Variants in GPR132 observed in about 807,000 individuals in gnomAD.
The protein encoded by GPR132 is G protein-coupled receptor 132.
Under a neutral mutation model 1.9 loss-of-function variants are expected in GPR132, and 4 were observed. That is an observed-to-expected ratio of 2.13 (90% CI 1.05 to 4.87). GPR132 has a LOEUF of 4.87. GPR132 is among the 30% of genes most tolerant of loss of function. The pLI is 0.01. For missense variants in GPR132, 404 were observed against 512.5 expected (o/e 0.79, Z 2.04); for synonymous variants, 233 against 234.2 (o/e 0.99, Z 0.05).
At position 105,051,714 on chromosome 14, in the gene GPR132, G is replaced by A. The variant is rs537968166; in HGVS notation, c.423C>T (p.Phe141=). 68 of 1,614,102 alleles carry A rather than the reference G, an allele frequency of 4.2e-5. 1 individual carries two copies. The South Asian group carries it at 5.7e-4, about 14-fold the overall frequency. The change falls in exon 4 of 4, where the codon TTC becomes TTT. Residue 141 remains phenylalanine (F), a synonymous_variant. Coordinates refer to ENST00000329797, the MANE Select transcript of GPR132 (RefSeq NM_013345.4). This position sits in a 1 kb window ranked among gnomAD's most constrained non-coding sequence, Gnocchi z 8.0. ...TCTCCAGCGCGTACACCACGGCCAC[G>A]AAGCGGTCGCAGGAGATGCAGCACA... ...LFLCCISCDR[F]VAVVYALESR...
intron 3 of GPR132, among the ~76,000 whole-genome samples, chr14:105,054,690 C>A (rs1358771408): frequency 6.6e-6 from 1 of 150,852 alleles, no homozygotes; most frequent in Admixed American, 6.6e-5. Context: ...CTTGGCCTCC[C>A]AAAGTGCTGG....
chr14:105,054,330 C>G, intron 3 of GPR132: 1 of 985,374 alleles, frequency 1.0e-6, no homozygotes, highest in Non-Finnish European at 1.2e-6. Context: ...CTTGACCTCC[C>G]TCCTGTACTT....
Position 105,056,255 on chromosome 14 carries a change from C to T in GPR132, c.-746-89G>A, listed in dbSNP as rs1595137749. 10 of 775,120 alleles carry T rather than the reference C, an allele frequency of 1.3e-5. No homozygotes were observed. The highest frequency in any genetic ancestry group is 1.6e-5 in the Non-Finnish European group (10 of 637,848). 48.0% of individuals were successfully genotyped at this position (775,120 alleles called of 1,614,324 possible). A position where few individuals can be genotyped will look rare whatever the true frequency, so the allele number is the denominator to read the frequency against. Reference sequence around the variant, plus strand: ...CAAGACACAGGCCTGTGGCGGGCGGCGGGGGGCAGTGAAGGCAGTTCTCGG... The same window carrying T: ...CAAGACACAGGCCTGTGGCGGGCGGTGGGGGGCAGTGAAGGCAGTTCTCGG... On this transcript the variant is annotated intron_variant, in intron 2 of 3. Transcript: ENST00000329797. The surrounding 1 kb of genome is among the most constrained non-coding windows in gnomAD (Gnocchi z 6.0).
chr14:105,064,369 T>C (rs969741338), intron 1 of GPR132, among the ~76,000 whole-genome samples: 8 of 150,624 alleles, frequency 5.3e-5, no homozygotes, highest in African/African-American at 2.0e-4. Context: ...AATTTGATAG[T>C]GTTGCCCAGG....
At position 105,055,357 on chromosome 14, in the gene GPR132, G is replaced by C. The variant is rs775224303; in HGVS notation, c.34+30C>G. ...AAAAAAATTGAAAAAGTGGAAAATT[G>C]TGGCAAAATACACATAACAAGGAAT... On this transcript the variant is annotated intron_variant, in intron 3 of 3. Transcript: ENST00000329797. This position sits in a 1 kb window ranked among gnomAD's most constrained non-coding sequence, Gnocchi z 4.7. 4 of 780,822 alleles carry C rather than the reference G, an allele frequency of 5.1e-6. No homozygotes were observed. Among genetic ancestry groups the C allele is most frequent in the Admixed American group, 1.7e-5 (1 of 59,018 alleles). The allele number at this position is 780,822 out of a possible 1,614,324, so 48.4% of individuals were successfully genotyped here. A position where few individuals can be genotyped will look rare whatever the true frequency, so the allele number is the denominator to read the frequency against.
rs1886817372 is a variant in GPR132, at chr14:105,057,200, G to A, written c.-780C>T. 2.0e-6 allele frequency: 3 copies of A among 1,518,710 alleles called. No homozygotes were observed. In the South Asian group the frequency reaches 3.6e-5, roughly 18 times the overall value. 94.1% of individuals were successfully genotyped at this position (1,518,710 alleles called of 1,614,324 possible). ...TTTTGCGGGTTCCAATCTCAGTGTG[G>A]CTCTAAGATAAGCTTTCTAAGTACA... On this transcript the variant is annotated 5_prime_UTR_variant, in exon 2 of 4. Transcript: ENST00000329797.
At position 105,061,699 on chromosome 14, in the gene GPR132, G is replaced by A. The variant is rs1034503187; in HGVS notation, c.-861+3680C>T. Among the ~76,000 whole-genome samples, 4 of 152,166 alleles carry A rather than the reference G, an allele frequency of 2.6e-5. No homozygotes were observed. In the East Asian group the frequency reaches 7.7e-4, roughly 29 times the overall value. On this transcript the variant is annotated intron_variant, in intron 1 of 3. Coordinates refer to ENST00000329797, the MANE Select transcript of GPR132 (RefSeq NM_013345.4). ...AAGTGGAAGGACAAGGCCAGGCAGAGGCTTCCTGTGTTGTTCCACTCAGGA... is the reference window on the plus strand; with the variant it reads ...AAGTGGAAGGACAAGGCCAGGCAGAAGCTTCCTGTGTTGTTCCACTCAGGA...
chr14:105,053,439 C>T (rs1479439786), intron 3 of GPR132, among the ~76,000 whole-genome samples: 5 of 152,094 alleles, frequency 3.3e-5, no homozygotes, highest in Non-Finnish European at 5.9e-5. Flanking sequence ...GGATTACAGG[C>T]GTGAGCCACT....
At position 105,050,650 on chromosome 14, in the gene GPR132, C is replaced by A; in HGVS notation, c.*344G>T. 2.8e-6 allele frequency: 1 copy of A among 359,714 alleles called. No homozygotes were observed. The highest frequency in any genetic ancestry group is 2.0e-5 in the African/African-American group (1 of 48,938). The allele number at this position is 359,714 out of a possible 1,614,324, so 22.3% of individuals were successfully genotyped here. The stretch of plus-strand genomic sequence containing the variant: ...GCAAATAAAGTCATCGCCACTGATG[C>A]GAACAGGGCAGCCACCAGGTACCTC... On this transcript the variant is annotated 3_prime_UTR_variant, in exon 4 of 4. Coordinates refer to ENST00000329797, the MANE Select transcript of GPR132 (RefSeq NM_013345.4). This position sits in a 1 kb window ranked among gnomAD's most constrained non-coding sequence, Gnocchi z 4.0.
rs1886756924 is a variant in GPR132, at chr14:105,055,189, G to A, written c.34+198C>T. Among the ~76,000 whole-genome samples the A allele has an allele frequency of 6.6e-6, 1 of 151,820 alleles. No individual in the cohort carries two copies. The highest frequency in any genetic ancestry group is 1.5e-5 in the Non-Finnish European group (1 of 67,990). On this transcript the variant is annotated intron_variant, in intron 3 of 3. Transcript: ENST00000329797. This position sits in a 1 kb window ranked among gnomAD's most constrained non-coding sequence, Gnocchi z 4.7. ...TATTAAAAATACAAATATTAGCCAG[G>A]CGTGGTGGGCACCTGTAATCCCAGC...
rs61737872 is a variant in GPR132, at chr14:105,051,630, G to A, written c.507C>T (p.Leu169=). ...ACACCGGGTAGTGAACGATCCCGAC[G>A]AGGATGAAGATGCAGGCGGAGATGA... is the stretch of plus-strand genomic sequence containing the variant. ...AILISACIFI[L]VGIVHYPVFQ... is the part of the protein sequence containing the mutation. Residue 169 remains leucine (L), a synonymous_variant, in exon 4 of 4, where the codon CTC becomes CTT. Coordinates refer to ENST00000329797, the MANE Select transcript of GPR132 (RefSeq NM_013345.4). This position sits in a 1 kb window ranked among gnomAD's most constrained non-coding sequence, Gnocchi z 8.0. 49 of 1,613,910 alleles carry A rather than the reference G, an allele frequency of 3.0e-5. No homozygotes were observed. The highest frequency in any genetic ancestry group is 4.5e-5 in the East Asian group (2 of 44,900).
At chr14:105,054,941 G>A (rs1326702906) in intron 3 of GPR132, among the ~76,000 whole-genome samples, 1 of 149,888 alleles carries the variant, frequency 6.7e-6, no homozygotes, top group Non-Finnish European at 1.5e-5. Flanking sequence ...TTGGGAGGCT[G>A]AGGCAGGAGA....
In GPR132 at chr14:105,056,170, G is replaced by T; in HGVS notation, c.-746-4C>A. On this transcript the variant is annotated splice_region_variant and splice_polypyrimidine_tract_variant and intron_variant, in intron 2 of 3. Coordinates refer to ENST00000329797, the MANE Select transcript of GPR132 (RefSeq NM_013345.4). This position sits in a 1 kb window ranked among gnomAD's most constrained non-coding sequence, Gnocchi z 6.0. ...TGTCCCTTGCTCACCTTCCTCCCTGGGCAGAGGGAGAGAGTGGGTGTGACT... is the reference window on the plus strand; with the variant it reads ...TGTCCCTTGCTCACCTTCCTCCCTGTGCAGAGGGAGAGAGTGGGTGTGACT... 1 of 985,990 alleles carries T rather than the reference G, an allele frequency of 1.0e-6. No homozygotes were observed. The highest frequency in any genetic ancestry group is 1.2e-6 in the Non-Finnish European group (1 of 830,132). The allele number at this position is 985,990 out of a possible 1,614,324, so 61.1% of individuals were successfully genotyped here. A position where few individuals can be genotyped will look rare whatever the true frequency, so the allele number is the denominator to read the frequency against.
chr14:105,052,251 C>T (rs1886670532), intron 3 of GPR132, 149 bp from the exon 4 acceptor site: 1 of 591,964 alleles, frequency 1.7e-6, no homozygotes, highest in African/African-American at 1.8e-5. Context: ...TTTTTTAGAG[C>T]AATTATTAGA....
At chr14:105,054,269 T>G in intron 3 of GPR132, 1 of 1,133,064 alleles carries the variant, frequency 8.8e-7, no homozygotes, top group South Asian at 1.8e-5. Flanking sequence ...CCCTGGGCAC[T>G]GTCCAGCCCG....
intron 1 of GPR132, among the ~76,000 whole-genome samples, chr14:105,064,780 T>C (rs1448661523): frequency 6.6e-6 from 1 of 152,162 alleles, no homozygotes; most frequent in Non-Finnish European, 1.5e-5. Context: ...CGTCATGCAC[T>C]TGACAGAAGG....
At chr14:105,054,118 C>T (rs981248705) in intron 3 of GPR132, 1 of 1,287,704 alleles carries the variant, frequency 7.8e-7, no homozygotes, top group African/African-American at 1.5e-5. Context: ...ATCATGGAGT[C>T]CCACCTCCAG....
rs189286620 is a variant in GPR132, at chr14:105,064,876, G to A, written c.-861+503C>T. ...CTGCCCAGCTCCAGGATCTTGTCAC[G>A]TGACTGGGCCAACTGCCACTCACCG... is the stretch of plus-strand genomic sequence containing the variant. On this transcript the variant is annotated intron_variant, in intron 1 of 3. Transcript: ENST00000329797. Among the ~76,000 whole-genome samples the A allele has an allele frequency of 2.0e-5, 3 of 152,104 alleles. No individual in the cohort carries two copies. The East Asian group carries it at 5.8e-4, about 29-fold the overall frequency.
chr14:105,056,264 G>T lies in GPR132; in HGVS notation c.-746-98C>A. The stretch of plus-strand genomic sequence containing the variant: ...GGCCTGTGGCGGGCGGCGGGGGGCA[G>T]TGAAGGCAGTTCTCGGGTGGGAGGC... On this transcript the variant is annotated intron_variant, in intron 2 of 3. Coordinates refer to ENST00000329797, the MANE Select transcript of GPR132 (RefSeq NM_013345.4). This position sits in a 1 kb window ranked among gnomAD's most constrained non-coding sequence, Gnocchi z 6.0. The T allele has an allele frequency of 1.6e-6, 1 of 623,594 alleles. No homozygotes were observed. The highest frequency in any genetic ancestry group is 2.0e-6 in the Non-Finnish European group (1 of 499,094). The allele number at this position is 623,594 out of a possible 1,614,324, so 38.6% of individuals were successfully genotyped here. A position where few individuals can be genotyped will look rare whatever the true frequency, so the allele number is the denominator to read the frequency against.
Sources: gnomAD v4.1 joint callset for allele counts (sites outside exome capture counted in the v4.1 genomes callset) on GRCh38, gnomAD v4.1.1 for gene constraint, Gnocchi (gnomAD v3.1) non-coding constraint, MANE v1.5 for transcripts, NCBI Gene and HGNC (gene_info 2026-07-23, HGNC 2026-07-21) for gene names.